Variants in VPS13A observed in about 807,000 individuals in gnomAD.
The protein encoded by VPS13A is intermembrane lipid transfer protein VPS13A.
Under a neutral mutation model 390.9 loss-of-function variants are expected in VPS13A, and 264 were observed. The observed-to-expected ratio is 0.68, with a 90% confidence interval of 0.61 to 0.75. The LOEUF (loss-of-function observed/expected upper bound fraction) is 0.75. VPS13A is among the 30% of genes least tolerant of loss of function. VPS13A has a pLI of 0.00. For missense variants in VPS13A, 3,409 were observed against 3,733.9 expected, an observed-to-expected ratio of 0.91 and a Z score of 2.27; for synonymous variants, 1,231 against 1,227.1, an observed-to-expected ratio of 1.00 and a Z score of -0.07.
intron 34 of VPS13A, chr9:77,305,779 A>G (rs1276101522): frequency 1.3e-5 from 2 of 152,444 alleles, no homozygotes; most frequent in Non-Finnish European, 2.9e-5. Flanking sequence ...TTGTGAAATC[A>G]TTTAGTCTAA....
chr9:77,338,951 CTT>C (rs915325770), intron 47 of VPS13A: 1 of 157,222 alleles, frequency 6.4e-6, no homozygotes, highest in African/African-American at 2.4e-5. Context: ...TTAGGGGACT[CTT>C]AAACTGAGAC....
intron 68 of VPS13A, among the ~76,000 whole-genome samples, chr9:77,400,223 ATTTTTTT>A (rs34605855): frequency 1.0e-4 from 9 of 88,146 alleles, no homozygotes; most frequent in African/African-American, 2.6e-4. Context: ...TATCAGTCAG[ATTTTTTT>A]TTTTTTTTTT....
In VPS13A at chr9:77,318,553, A is replaced by G; in HGVS notation, c.5275A>G (p.Ser1759Gly). 6.2e-7 allele frequency: 1 copy of G among 1,613,894 alleles called. No homozygotes were observed. The highest frequency in any genetic ancestry group is 8.5e-7 in the Non-Finnish European group (1 of 1,179,900). ...TTTTTCAGGGGAAGGCAAAAACTGG[A>G]GTTCCCTAATAAATCTGCACTGTCA... Reference protein sequence around the residue: ...SRFSGEGKNWSSLINLHCQLE... With the variant: ...SRFSGEGKNWGSLINLHCQLE... The change falls in exon 41 of 72, where the codon AGT becomes GGT. Residue 1759 changes from serine to glycine, a missense_variant. Ser to Gly is a moderately conservative substitution (Grantham distance 56). Coordinates refer to ENST00000360280, the MANE Select transcript of VPS13A (RefSeq NM_033305.3).
At chr9:77,232,520 C>G (rs147927080) in intron 17 of VPS13A, among the ~76,000 whole-genome samples, 63 of 152,118 alleles carry the variant, frequency 4.1e-4, no homozygotes, top group African/African-American at 1.4e-3. Flanking sequence ...CCATTTGGTC[C>G]TTGTATTAGT....
chr9:77,326,191 T>C (rs1830010190), intron 45 of VPS13A, among the ~76,000 whole-genome samples: 1 of 152,184 alleles, frequency 6.6e-6, no homozygotes, highest in African/African-American at 2.4e-5. Context: ...ATTTTTTTTC[T>C]TTATCATTGG....
At chr9:77,278,612 G>A (rs1826835138) in intron 26 of VPS13A, among the ~76,000 whole-genome samples, 1 of 152,174 alleles carries the variant, frequency 6.6e-6, no homozygotes, top group South Asian at 2.1e-4. Flanking sequence ...AAGGCTTCAA[G>A]TGTGGCTAGC....
intron 67 of VPS13A, among the ~76,000 whole-genome samples, chr9:77,373,676 A>C (rs1832911004): frequency 1.3e-5 from 2 of 151,578 alleles, no homozygotes; most frequent in African/African-American, 4.8e-5. Flanking sequence ...CAGCAAAAGA[A>C]ACTACCATCA....
chr9:77,320,839 T>G (rs1164908464), intron 42 of VPS13A, among the ~76,000 whole-genome samples: 3 of 152,194 alleles, frequency 2.0e-5, no homozygotes, highest in African/African-American at 7.2e-5. Flanking sequence ...TAAGTTACTT[T>G]TTTCTGTCTG....
chr9:77,397,751 A>G (rs1251416689), intron 68 of VPS13A, among the ~76,000 whole-genome samples: 7 of 152,134 alleles, frequency 4.6e-5, no homozygotes, highest in Admixed American at 3.9e-4. Context: ...ATGCAAAAGG[A>G]CCTGTTTACC....
At chr9:77,341,690 C>CT (rs1830821898) in intron 50 of VPS13A, among the ~76,000 whole-genome samples, 3 of 23,558 alleles carry the variant, frequency 1.3e-4, no homozygotes, top group Admixed American at 4.8e-4. Context: ...GGACATCTTT[C>CT]CTTTTTTTTT....
At chr9:77,380,893 G>T (rs546495255) in intron 67 of VPS13A, among the ~76,000 whole-genome samples, 1 of 152,322 alleles carries the variant, frequency 6.6e-6, no homozygotes, top group Non-Finnish European at 1.5e-5. Context: ...CTGCTGATAT[G>T]ACAGGAGGTG....
At chr9:77,213,146 G>T in intron 8 of VPS13A, 88 bp from the exon 9 acceptor site, 1 of 1,523,104 alleles carries the variant, frequency 6.6e-7, no homozygotes. Flanking sequence ...CTGTGATATG[G>T]CTCACTTAAT....
At chr9:77,382,438 G>T (rs1833493565) in intron 68 of VPS13A, 11 of 1,398,394 alleles carry the variant, frequency 7.9e-6, no homozygotes, top group Non-Finnish European at 1.0e-5. Context: ...GAATTTTAAT[G>T]AATCTGGTTT....
rs1247883189 is a variant in VPS13A at position 77,315,184 on chromosome 9, G to A, written c.4413-69G>A. 6 of 1,385,706 alleles carry A rather than the reference G, an allele frequency of 4.3e-6. No homozygotes were observed. In the East Asian group the frequency reaches 1.4e-4, roughly 32 times the overall value. The allele number at this position is 1,385,706 out of a possible 1,614,324, so 85.8% of individuals were successfully genotyped here. ...AGTAAAAGAGATAAGAGGTCTTTGA[G>A]TTTTACTCATATGTTTGATTACTTC... On this transcript the variant is annotated intron_variant, in intron 37 of 71. Transcript: ENST00000360280.
intron 68 of VPS13A, among the ~76,000 whole-genome samples, chr9:77,399,181 T>TAAA (rs1223344360): frequency 1.2e-3 from 41 of 34,980 alleles, no homozygotes; most frequent in African/African-American, 2.4e-3. Flanking sequence ...AAAAAAAAAA[T>TAAA]AAAAAAAAAA....
intron 71 of VPS13A, among the ~76,000 whole-genome samples, chr9:77,412,854 C>T (rs9802760): frequency 0.74 from 111,589 of 149,912 alleles, 41,905 homozygotes; most frequent in East Asian, 0.92. Context: ...AAAACCCCAT[C>T]GTCTCAGCCC....
intron 1 of VPS13A, among the ~76,000 whole-genome samples, chr9:77,187,176 A>G (rs368890112): frequency 1.9e-4 from 29 of 152,308 alleles, no homozygotes; most frequent in African/African-American, 6.5e-4. Context: ...GTTGTGAATA[A>G]TGGTGTTATG....
chr9:77,293,297 C>T, intron 31 of VPS13A, 44 bp from the exon 32 acceptor site: 1 of 1,514,206 alleles, frequency 6.6e-7, no homozygotes, highest in South Asian at 1.1e-5. Flanking sequence ...GAAAATACAT[C>T]ATTTCAAAAA....
rs982481334 is a variant in VPS13A at position 77,418,736 on chromosome 9, A to G, written c.*2730A>G. The G allele has an allele frequency of 6.9e-6, 1 of 144,874 alleles. No individual in the cohort carries two copies. The highest frequency in any genetic ancestry group is 2.9e-5 in the African/African-American group (1 of 34,610). The allele number at this position is 144,874 out of a possible 1,614,324, so 9.0% of individuals were successfully genotyped here. On this transcript the variant is annotated 3_prime_UTR_variant, in exon 72 of 72. Transcript: ENST00000360280. ...CTCCAAGTGAATAAATCTTTCTTACACTTACTTACGTGATATTTTCTATCA... is the reference window on the plus strand; with the variant it reads ...CTCCAAGTGAATAAATCTTTCTTACGCTTACTTACGTGATATTTTCTATCA...
Sources: gnomAD v4.1 joint callset for allele counts (sites outside exome capture counted in the v4.1 genomes callset) on GRCh38, gnomAD v4.1.1 for gene constraint, MANE v1.5 for transcripts, NCBI Gene and HGNC (gene_info 2026-07-23, HGNC 2026-07-21) for gene names.